Variants in RSF1 observed in about 807,000 individuals in gnomAD.
RSF1 encodes remodeling and spacing factor 1, also known as HBV pX-associated protein 8.
Under a neutral mutation model 145.2 loss-of-function variants are expected in RSF1, and 13 were observed. The ratio of observed to expected loss-of-function variants is 0.09; its 90% confidence interval spans 0.06 to 0.14. The LOEUF is 0.14. Among genes scored for constraint, RSF1 ranks in the 10% least tolerant of loss-of-function variants. RSF1 has a pLI of 1.00. For missense variants in RSF1, 1,517 were observed against 1,718.2 expected (o/e 0.88, Z 2.07); for synonymous variants, 577 against 592.6 (o/e 0.97, Z 0.38).
the RSF1 span, chr11:77,850,739 G>A: frequency 6.6e-6 from 1 of 150,964 alleles, no homozygotes; most frequent in Non-Finnish European, 1.5e-5. Flanking sequence ...ATTTTACCAT[G>A]TTTGTTTCTT....
chr11:77,831,087 G>T, the RSF1 span, among the ~76,000 whole-genome samples: 1 of 151,694 alleles, frequency 6.6e-6, no homozygotes, highest in Non-Finnish European at 1.5e-5. Flanking sequence ...CGAGGCTTCA[G>T]TGAGCTGTAA....
chr11:77,764,242 A>G (rs1234240808), intron 2 of RSF1: 1 of 196,460 alleles, frequency 5.1e-6, no homozygotes, highest in East Asian at 1.7e-4. Context: ...AAATAAGTCT[A>G]TGCATACTAT....
rs1050046943 is a variant in RSF1, at chr11:77,735,768, C to T, written c.578+4963G>A. On this transcript the variant is annotated intron_variant, in intron 4 of 15. Coordinates refer to ENST00000308488, the MANE Select transcript of RSF1 (RefSeq NM_016578.4). ...TTTTCTTCTTTTTTGAGATGGAGGC[C>T]GCTCTGTTGTCGCCAGGCTGGAGTG... is the stretch of plus-strand genomic sequence containing the variant. Among the ~76,000 whole-genome samples the T allele has an allele frequency of 3.3e-5, 5 of 152,032 alleles. No homozygotes were observed. The East Asian group carries it at 5.8e-4, about 18-fold the overall frequency.
At chr11:77,819,897 C>A (rs1565190960) in intron 1 of RSF1, among the ~76,000 whole-genome samples, 3 of 151,900 alleles carry the variant, frequency 2.0e-5, no homozygotes, top group African/African-American at 7.3e-5. Flanking sequence ...GAGGAGCAGA[C>A]CTCCCCACTT....
At chr11:77,813,468 A>T in intron 1 of RSF1, 1 of 1,104,358 alleles carries the variant, frequency 9.1e-7, no homozygotes, top group Non-Finnish European at 1.4e-6. Flanking sequence ...AACCTTCACC[A>T]CAAGGACTTT....
the RSF1 span, among the ~76,000 whole-genome samples, chr11:77,864,896 G>A: frequency 3.3e-5 from 5 of 152,138 alleles, no homozygotes; most frequent in African/African-American, 4.8e-5. Context: ...AGGATCACTT[G>A]GGCCTGGGAG....
intron 2 of RSF1, among the ~76,000 whole-genome samples, chr11:77,760,268 C>CATGAT (rs1393804843): frequency 3.3e-5 from 5 of 152,238 alleles, no homozygotes; most frequent in South Asian, 4.1e-4. Flanking sequence ...TGAGATGATA[C>CATGAT]ATGATACAAT....
At chr11:77,794,257 A>G (rs1332341475) in intron 1 of RSF1, among the ~76,000 whole-genome samples, 1 of 152,240 alleles carries the variant, frequency 6.6e-6, no homozygotes, top group Non-Finnish European at 1.5e-5. Context: ...CACGTGGAAC[A>G]TCTTCCAGGA....
At chr11:77,863,340 G>A in the RSF1 span, among the ~76,000 whole-genome samples, 1 of 152,284 alleles carries the variant, frequency 6.6e-6, no homozygotes, top group African/African-American at 2.4e-5. Flanking sequence ...GGTCTGTGAT[G>A]GCGGCAAAGA....
intron 11 of RSF1, among the ~76,000 whole-genome samples, chr11:77,678,394 T>G (rs1198726306): frequency 6.6e-6 from 1 of 151,948 alleles, no homozygotes; most frequent in Non-Finnish European, 1.5e-5. Context: ...TTTTTGTACT[T>G]TTAGTAGAGA....
intron 6 of RSF1, 31 bp downstream of exon 6, chr11:77,700,686 CAAAT>C (rs1166613752): frequency 2.7e-6 from 4 of 1,466,364 alleles, no homozygotes; most frequent in Non-Finnish European, 2.7e-6. Flanking sequence ...TATATAGAGA[CAAAT>C]ATTTTTAATT....
intron 5 of RSF1, among the ~76,000 whole-genome samples, chr11:77,724,853 C>T (rs1961016482): frequency 6.6e-6 from 1 of 152,184 alleles, no homozygotes; most frequent in Non-Finnish European, 1.5e-5. Flanking sequence ...CTCACTCGTC[C>T]CTGCTCACCT....
chr11:77,788,302 T>C (rs138287666), intron 1 of RSF1, among the ~76,000 whole-genome samples: 2 of 144,036 alleles, frequency 1.4e-5, no homozygotes, highest in Admixed American at 6.9e-5. Flanking sequence ...TTACTGGTAA[T>C]AGAATCAGTA....
At chr11:77,804,536 T>C (rs1018553184) in intron 1 of RSF1, among the ~76,000 whole-genome samples, 3 of 152,160 alleles carry the variant, frequency 2.0e-5, no homozygotes, top group African/African-American at 2.4e-5. Flanking sequence ...TATAAGCACA[T>C]GGTGTCTAAT....
chr11:77,866,986 G>T, the RSF1 span, among the ~76,000 whole-genome samples: 1 of 151,876 alleles, frequency 6.6e-6, no homozygotes, highest in African/African-American at 2.4e-5. Context: ...AATTACAGGC[G>T]CATGTCACCA....
In RSF1 at chr11:77,660,605, T is replaced by C. The variant is rs1959222609; in HGVS notation, c.*6312A>G. On this transcript the variant is annotated 3_prime_UTR_variant, in exon 16 of 16. Transcript: ENST00000308488. Reference sequence around the variant, plus strand: ...TTCCAGGAATATTTTTTTTAACGCATAGGAAAATAAAGCATTTCATATAAG... The same window carrying C: ...TTCCAGGAATATTTTTTTTAACGCACAGGAAAATAAAGCATTTCATATAAG... 2 of 152,030 alleles carry C rather than the reference T, an allele frequency of 1.3e-5. No individual in the cohort carries two copies. The highest frequency in any genetic ancestry group is 2.9e-5 in the Non-Finnish European group (2 of 68,008). 9.4% of individuals were successfully genotyped at this position (152,030 alleles called of 1,614,324 possible).
At chr11:77,854,204 G>C in the RSF1 span, among the ~76,000 whole-genome samples, 1 of 151,966 alleles carries the variant, frequency 6.6e-6, no homozygotes, top group African/African-American at 2.4e-5. Flanking sequence ...GTGTTAGCCA[G>C]GATTGGCTCG....
In RSF1 at chr11:77,665,361, C is replaced by G. The variant is rs1959335766; in HGVS notation, c.*1556G>C. The G allele has an allele frequency of 6.6e-6, 1 of 152,110 alleles. No homozygotes were observed. Among genetic ancestry groups the G allele is most frequent in the African/African-American group, 2.4e-5 (1 of 41,418 alleles). 9.4% of individuals were successfully genotyped at this position (152,110 alleles called of 1,614,324 possible). A position where few individuals can be genotyped will look rare whatever the true frequency, so the allele number is the denominator to read the frequency against. ...ACACCGGAACAGAAAAACCCAAATC[C>G]CAGGGCTAAAGTATTCACAGAAGTA... On this transcript the variant is annotated 3_prime_UTR_variant, in exon 16 of 16. Transcript: ENST00000308488.
At chr11:77,733,012 T>C (rs1961245556) in intron 4 of RSF1, among the ~76,000 whole-genome samples, 2 of 152,224 alleles carry the variant, frequency 1.3e-5, no homozygotes, top group East Asian at 3.8e-4. Flanking sequence ...ATGAGTAATG[T>C]TAAGAATAAA....
Sources: gnomAD v4.1 joint callset for allele counts (sites outside exome capture counted in the v4.1 genomes callset) on GRCh38, gnomAD v4.1.1 for gene constraint, MANE v1.5 for transcripts, NCBI Gene and HGNC (gene_info 2026-07-23, HGNC 2026-07-21) for gene names.